The following TNRC6A variants were observed in gnomAD, a reference collection of about 807,000 sequenced individuals.
TNRC6A encodes the protein trinucleotide repeat containing adaptor 6A.
TNRC6A carries 44 observed loss-of-function variants against 221.2 expected under a neutral mutation model. That is an observed-to-expected ratio of 0.20 (90% CI 0.16 to 0.26). The LOEUF (loss-of-function observed/expected upper bound fraction) is 0.26, where lower values mean the gene tolerates loss of function less well. TNRC6A is among the 10% of genes least tolerant of loss of function. The pLI is 1.00. For missense variants in TNRC6A, 2,199 were observed against 2,404.4 expected (o/e 0.91, Z 1.79); for synonymous variants, 847 against 838.5 (o/e 1.01, Z -0.18).
At chr16:24,679,262 T>G (rs1468794221) in intron 2 of TNRC6A, among the ~76,000 whole-genome samples, 1 of 152,042 alleles carries the variant, frequency 6.6e-6, no homozygotes. Context: ...CCTCCCAAAG[T>G]GCTGGGATTA....
chr16:24,650,335 A>G (rs1423753522), intron 2 of TNRC6A, among the ~76,000 whole-genome samples: 1 of 152,196 alleles, frequency 6.6e-6, no homozygotes, highest in Non-Finnish European at 1.5e-5. Context: ...TAAAACATTC[A>G]GGTAAACACA....
intron 5 of TNRC6A, among the ~76,000 whole-genome samples, chr16:24,782,110 C>T (rs187332806): frequency 2.2e-4 from 33 of 152,318 alleles, no homozygotes; most frequent in Admixed American, 1.2e-3. Context: ...GCGTGAGCCA[C>T]CGCGCCCGGC....
intron 2 of TNRC6A, among the ~76,000 whole-genome samples, chr16:24,689,497 A>C (rs2142115398): frequency 6.6e-6 from 1 of 152,310 alleles, no homozygotes; most frequent in South Asian, 2.1e-4. Flanking sequence ...AGTCCATGAG[A>C]CCACATGATG....
chr16:24,729,684 T>TTGGTGTCGGCGGCGG lies in TNRC6A; in HGVS notation c.-158_-157insTGGTGTCGGCGGCGG. 1.7e-6 allele frequency: 1 copy of TTGGTGTCGGCGGCGG among 603,100 alleles called. No individual in the cohort carries two copies. The highest frequency in any genetic ancestry group is 5.3e-5 in the South Asian group (1 of 18,706). The allele number at this position is 603,100 out of a possible 1,614,324, so 37.4% of individuals were successfully genotyped here. A position where few individuals can be genotyped will look rare whatever the true frequency, so the allele number is the denominator to read the frequency against. On this transcript the variant is annotated 5_prime_UTR_variant, in exon 1 of 25. Coordinates refer to ENST00000395799, the MANE Select transcript of TNRC6A (RefSeq NM_014494.4). ...TCTGGGGCCTGCGGCGGCGGCGGTG[T>TTGGTGTCGGCGGCGG]CGGCGGCGGCGGCGGCGGCGGCGGC...
At chr16:24,805,327 T>A in intron 14 of TNRC6A, 176 bp downstream of exon 14, 1 of 1,066,160 alleles carries the variant, frequency 9.4e-7, no homozygotes, top group Non-Finnish European at 1.3e-6. Flanking sequence ...AAGGATAATT[T>A]AAATCCAAAA....
At chr16:24,783,486 A>G (rs539688596) in intron 5 of TNRC6A, among the ~76,000 whole-genome samples, 167 of 146,378 alleles carry the variant, frequency 1.1e-3, no homozygotes, top group Middle Eastern at 3.6e-3. Flanking sequence ...CCCCCACATA[A>G]CCTCTTTGAT....
intron 5 of TNRC6A, among the ~76,000 whole-genome samples, chr16:24,778,093 G>T (rs1474710660): frequency 6.6e-6 from 1 of 152,158 alleles, no homozygotes; most frequent in Non-Finnish European, 1.5e-5. Context: ...GCCCATACAA[G>T]AACACACTTC....
In TNRC6A at chr16:24,789,465, A is replaced by G. The variant is rs373034622; in HGVS notation, c.823A>G (p.Asn275Asp). 524 of 1,614,216 alleles carry G rather than the reference A, an allele frequency of 3.2e-4. 2 individuals carry two copies. Among genetic ancestry groups the G allele is most frequent in the Admixed American group, 1.5e-3 (89 of 60,030 alleles). The change falls in exon 6 of 25, where the codon AAC becomes GAC. Residue 275 changes from asparagine (N) to aspartate (D), a missense_variant. Around this residue, in one of 8 missense-constraint regions of TNRC6A, gnomAD observed 1,405 missense variants for 1,400.2 expected, o/e 1.00. Coordinates refer to ENST00000395799, the MANE Select transcript of TNRC6A (RefSeq NM_014494.4). ...AAACATCACTATCATGGCTTCAGGG[A>G]ACACAGGTGGTGAAAAAGATGGCCT... ...ERNITIMASG[N>D]TGGEKDGLRN...
At chr16:24,804,941 A>G in intron 13 of TNRC6A, 73 bp from the exon 14 acceptor site, 1 of 1,614,050 alleles carries the variant, frequency 6.2e-7, no homozygotes, top group Non-Finnish European at 8.5e-7. Flanking sequence ...TGTTTAAATC[A>G]TAGTACAGTG....
At chr16:24,672,149 T>A (rs1318561059) in intron 2 of TNRC6A, among the ~76,000 whole-genome samples, 1 of 152,080 alleles carries the variant, frequency 6.6e-6, no homozygotes, top group Non-Finnish European at 1.5e-5. Flanking sequence ...TGAGACGGAG[T>A]CTTGCTATGT....
intron 5 of TNRC6A, among the ~76,000 whole-genome samples, chr16:24,777,719 A>C (rs2057756041): frequency 6.6e-6 from 1 of 152,200 alleles, no homozygotes; most frequent in African/African-American, 2.4e-5. Context: ...TGTGAGACTG[A>C]GTTCTTACCT....
intron 2 of TNRC6A, among the ~76,000 whole-genome samples, chr16:24,748,109 G>T (rs1456725394): frequency 6.6e-6 from 1 of 152,134 alleles, no homozygotes; most frequent in African/African-American, 2.4e-5. Context: ...AGGCAATTGA[G>T]TGCTTACTAG....
At chr16:24,810,361 AATGTATGT>A (rs989466920) in intron 18 of TNRC6A, among the ~76,000 whole-genome samples, 1 of 152,046 alleles carries the variant, frequency 6.6e-6, no homozygotes, top group Non-Finnish European at 1.5e-5. Context: ...CTTACAGTTG[AATGTATGT>A]ATGTATGTAT....
At chr16:24,798,254 C>G (rs1041636753) in intron 11 of TNRC6A, 3 of 232,306 alleles carry the variant, frequency 1.3e-5, no homozygotes, top group African/African-American at 2.2e-5. Flanking sequence ...GTAGAAGGGC[C>G]TAGATGTATG....
upstream of TNRC6A, among the ~76,000 whole-genome samples, chr16:24,729,481 G>A (rs1453044575): frequency 6.6e-6 from 1 of 151,788 alleles, no homozygotes; most frequent in African/African-American, 2.4e-5. Flanking sequence ...CAGCCACTCC[G>A]CGGGGCGCCT....
chr16:24,739,913 A>C (rs2056856485), intron 2 of TNRC6A, among the ~76,000 whole-genome samples: 1 of 152,200 alleles, frequency 6.6e-6, no homozygotes, highest in South Asian at 2.1e-4. Flanking sequence ...TTGTATTCTA[A>C]TAATTTTATA....
At chr16:24,677,445 A>G (rs1310647977) in intron 2 of TNRC6A, among the ~76,000 whole-genome samples, 1 of 152,064 alleles carries the variant, frequency 6.6e-6, no homozygotes. Flanking sequence ...TTACAGACGT[A>G]AGCCACAGTG....
chr16:24,778,431 T>A, intron 5 of TNRC6A: 2 of 985,486 alleles, frequency 2.0e-6, no homozygotes, highest in Non-Finnish European at 2.4e-6. Context: ...TTTGGCAACA[T>A]ACAGGATGTG....
intron 2 of TNRC6A, among the ~76,000 whole-genome samples, chr16:24,687,434 C>T (rs2055649171): frequency 6.6e-6 from 1 of 152,174 alleles, no homozygotes; most frequent in Admixed American, 6.5e-5. Flanking sequence ...TCCTCTTAGT[C>T]TAATTTCTGG....
Sources: allele counts gnomAD v4.1 joint callset (sites outside exome capture counted in the v4.1 genomes callset), GRCh38; gene constraint gnomAD v4.1.1; regional missense constraint gnomAD v4.1.1; transcripts MANE v1.5; gene names NCBI Gene and HGNC (gene_info 2026-07-23, HGNC 2026-07-21).